Variants in CFAP96 observed in about 807,000 individuals in gnomAD.
CFAP96 encodes cilia-and flagella-associated protein 96.
chr4:185,437,298 A>G, the CFAP96 span, among the ~76,000 whole-genome samples: 1 of 152,228 alleles, frequency 6.6e-6, no homozygotes, highest in African/African-American at 2.4e-5. Context: ...AGACCTGTTC[A>G]CTTATATGCG....
chr4:185,432,310 T>G, the CFAP96 span: 2 of 831,162 alleles, frequency 2.4e-6, no homozygotes, highest in East Asian at 2.7e-5. Context: ...TTTTTAAGTA[T>G]TATTCTTAGT....
At chr4:185,418,584 C>T in the CFAP96 span, 1 of 1,612,618 alleles carries the variant, frequency 6.2e-7, no homozygotes. Context: ...CAAACATACT[C>T]ACTGAATAAA....
chr4:185,422,886 G>T, the CFAP96 span, among the ~76,000 whole-genome samples: 2 of 58,694 alleles, frequency 3.4e-5, no homozygotes, highest in South Asian at 1.6e-3. Context: ...TGGAGACAGG[G>T]TCTCACTCTG....
the CFAP96 span, among the ~76,000 whole-genome samples, chr4:185,443,342 A>ATATATATATATTTTTTTTTT: frequency 1.9e-4 from 5 of 26,722 alleles, no homozygotes; most frequent in East Asian, 1.5e-3. Flanking sequence ...ATATATATAT[A>ATATATATATATTTTTTTTTT]TTTTTTTTTT....
chr4:185,443,215 G>A, the CFAP96 span, among the ~76,000 whole-genome samples: 21 of 149,626 alleles, frequency 1.4e-4, no homozygotes, highest in Non-Finnish European at 2.8e-4. Context: ...TCTGTTTTGT[G>A]TAGGTTTTCT....
chr4:185,441,683 AATT>A, the CFAP96 span, among the ~76,000 whole-genome samples: 51 of 151,682 alleles, frequency 3.4e-4, no homozygotes, highest in South Asian at 6.2e-3. Context: ...AATTAAAAGA[AATT>A]AATAATTTTA....
the CFAP96 span, among the ~76,000 whole-genome samples, chr4:185,446,404 T>G: frequency 6.6e-6 from 1 of 152,194 alleles, no homozygotes; most frequent in African/African-American, 2.4e-5. Context: ...CTTGTACTAC[T>G]CTTCTTGCTC....
the CFAP96 span, among the ~76,000 whole-genome samples, chr4:185,433,442 C>T: frequency 6.6e-6 from 1 of 150,450 alleles, no homozygotes; most frequent in African/African-American, 2.4e-5. Flanking sequence ...CATTCACACT[C>T]AAAGCTTTGA....
the CFAP96 span, among the ~76,000 whole-genome samples, chr4:185,410,461 C>T: frequency 6.6e-6 from 1 of 151,490 alleles, no homozygotes; most frequent in East Asian, 1.9e-4. Flanking sequence ...CCAGCCTGGC[C>T]AGCATGATGA....
the CFAP96 span, among the ~76,000 whole-genome samples, chr4:185,443,144 A>C: frequency 1.4e-4 from 21 of 151,580 alleles, no homozygotes; most frequent in Admixed American, 1.2e-3. Flanking sequence ...AAGCGTTCTG[A>C]GCTTAGCCGT....
At chr4:185,415,760 AGTC>A in the CFAP96 span, 3 of 1,613,714 alleles carry the variant, frequency 1.9e-6, no homozygotes, top group African/African-American at 4.0e-5. Flanking sequence ...CGACAGGTAA[AGTC>A]ATATTAACAT....
At chr4:185,430,521 G>A in the CFAP96 span, among the ~76,000 whole-genome samples, 1 of 152,200 alleles carries the variant, frequency 6.6e-6, no homozygotes, top group Non-Finnish European at 1.5e-5. Flanking sequence ...TGTGGAAGAA[G>A]AATTGGGTGG....
chr4:185,416,713 T>G, the CFAP96 span, among the ~76,000 whole-genome samples: 2 of 152,194 alleles, frequency 1.3e-5, no homozygotes, highest in Admixed American at 6.5e-5. Flanking sequence ...GAACATCTGA[T>G]GGGTAGGAAG....
the CFAP96 span, chr4:185,445,464 A>G: frequency 9.6e-6 from 14 of 1,454,018 alleles, no homozygotes; most frequent in East Asian, 1.1e-4. Flanking sequence ...AACATTGGCT[A>G]TTTCTCGAAG....
the CFAP96 span, chr4:185,413,772 C>T: frequency 6.2e-7 from 1 of 1,613,454 alleles, no homozygotes; most frequent in Non-Finnish European, 8.5e-7. Context: ...ATGTGGATTT[C>T]TAATGTAACC....
At chr4:185,447,460 T>G in the CFAP96 span, among the ~76,000 whole-genome samples, 159 of 152,244 alleles carry the variant, frequency 1.0e-3, no homozygotes, top group South Asian at 3.1e-3. Context: ...GATTACAGGC[T>G]TGATCCACCA....
the CFAP96 span, chr4:185,426,209 G>C: frequency 2.8e-6 from 1 of 358,026 alleles, no homozygotes; most frequent in South Asian, 3.8e-5. Flanking sequence ...TCCCGTACCC[G>C]GGGCAACACA....
chr4:185,410,302 A>G, the CFAP96 span, among the ~76,000 whole-genome samples: 5 of 152,336 alleles, frequency 3.3e-5, no homozygotes, highest in East Asian at 5.8e-4. Context: ...AATTAAACCT[A>G]TAAGATACAC....
the CFAP96 span, among the ~76,000 whole-genome samples, chr4:185,443,973 G>T: frequency 1.7e-5 from 1 of 60,166 alleles, no homozygotes. Flanking sequence ...TTGAGACGGA[G>T]TCTCGCTCTG....
Sources: gnomAD v4.1 joint callset for allele counts (sites outside exome capture counted in the v4.1 genomes callset) on GRCh38, gnomAD v4.1.1 for gene constraint, MANE v1.5 for transcripts, NCBI Gene and HGNC (gene_info 2026-07-23, HGNC 2026-07-21) for gene names.